Variants in AUTS2 observed in about 807,000 individuals in gnomAD.
The protein encoded by AUTS2 is autism susceptibility gene 2 protein.
In AUTS2, 17 loss-of-function variants were observed where a neutral mutation model predicts 112.4. That is an observed-to-expected ratio of 0.15 (90% CI 0.10 to 0.23). The LOEUF is 0.23. Ranked by LOEUF, AUTS2 falls within the 10% of genes least tolerant of loss-of-function variation. The probability of loss-of-function intolerance (pLI) is 1.00; values close to 1 mark genes in which losing one functional copy is unlikely to be tolerated. For synonymous variants in AUTS2, 751 were observed against 702.7 expected (o/e 1.07, Z -1.09); for missense variants, 1,510 against 1,701.6 (o/e 0.89, Z 1.98).
At position 70,790,500 on chromosome 7, in the gene AUTS2, T is replaced by G. The variant is rs930577652; in HGVS notation, c.3284T>G (p.Leu1095Arg). 2 of 1,612,320 alleles carry G rather than the reference T, an allele frequency of 1.2e-6. No homozygotes were observed. The highest frequency in any genetic ancestry group is 1.7e-6 in the Non-Finnish European group (2 of 1,179,504). Residue 1095 changes from leucine (L) to arginine (R), a missense_variant, in exon 19 of 19, where the codon CTG becomes CGG. Transcript: ENST00000342771. The surrounding 1 kb of genome is among the most constrained non-coding windows in gnomAD (Gnocchi z 7.6). The part of the protein sequence containing the change: ...HRRDPLGRDF[L>R]LRNDPLHRLS... Reference sequence around the variant, plus strand: ...AGAGACCCGCTGGGCAGGGACTTCCTGCTAAGGAACGACCCGCTCCACCGG... The same window carrying G: ...AGAGACCCGCTGGGCAGGGACTTCCGGCTAAGGAACGACCCGCTCCACCGG...
At chr7:70,269,757 C>T (rs1787597859) in intron 4 of AUTS2, among the ~76,000 whole-genome samples, 1 of 152,228 alleles carries the variant, frequency 6.6e-6, no homozygotes, top group African/African-American at 2.4e-5. Context: ...TCACCTCTCT[C>T]ATAGCCCATA....
chr7:70,306,795 G>A (rs1789513879), intron 4 of AUTS2, among the ~76,000 whole-genome samples: 1 of 152,154 alleles, frequency 6.6e-6, no homozygotes, highest in Admixed American at 6.5e-5. Context: ...AATCGCTGGA[G>A]GTTTGATTAG....
At chr7:69,692,711 A>G (rs1477453812) in intron 1 of AUTS2, among the ~76,000 whole-genome samples, 1 of 152,150 alleles carries the variant, frequency 6.6e-6, no homozygotes, top group African/African-American at 2.4e-5. Flanking sequence ...TGTGTTTAGG[A>G]TGGGGCTTGG....
intron 5 of AUTS2, among the ~76,000 whole-genome samples, chr7:70,581,090 T>A (rs1164802914): frequency 2.0e-5 from 3 of 152,108 alleles, no homozygotes; most frequent in East Asian, 1.9e-4. Flanking sequence ...TCAAAAAAAA[T>A]TTTAAAATAA....
At position 70,184,405 on chromosome 7, in the gene AUTS2, T is replaced by G. The variant is rs543279488; in HGVS notation, c.660+49834T>G. Among the ~76,000 whole-genome samples the G allele has an allele frequency of 5.7e-4, 87 of 152,286 alleles. 1 individual carries two copies. In the South Asian group the frequency reaches 6.8e-3, roughly 12 times the overall value. ...TCTGACCCTCCACCTTCTCTGGAAA[T>G]GGGGTGCCACATCTTTTGCCTTCTG... On this transcript the variant is annotated intron_variant, in intron 4 of 18. Transcript: ENST00000342771.
chr7:70,092,842 A>G (rs1472791935), intron 2 of AUTS2, among the ~76,000 whole-genome samples: 1 of 152,090 alleles, frequency 6.6e-6, no homozygotes, highest in Non-Finnish European at 1.5e-5. Context: ...AGCTAGGAGC[A>G]CCACTCGCGG....
intron 2 of AUTS2, among the ~76,000 whole-genome samples, chr7:70,103,769 G>A (rs1804621677): frequency 6.6e-6 from 1 of 151,802 alleles, no homozygotes. Context: ...AATTAGCCGG[G>A]CATGGTGGCG....
intron 2 of AUTS2, among the ~76,000 whole-genome samples, chr7:70,041,748 G>T (rs1319724427): frequency 6.6e-6 from 1 of 152,118 alleles, no homozygotes; most frequent in African/African-American, 2.4e-5. Context: ...TCTATAATCA[G>T]AAATAGCTTG....
At chr7:70,151,158 T>G (rs1166778916) in intron 4 of AUTS2, among the ~76,000 whole-genome samples, 1 of 152,010 alleles carries the variant, frequency 6.6e-6, no homozygotes, top group Non-Finnish European at 1.5e-5. Context: ...GACAGAGTAT[T>G]AGGGGGGAGG....
In AUTS2 at chr7:70,396,241, C is replaced by CA. The variant is rs35427707; in HGVS notation, c.661-39504dup. Among the ~76,000 whole-genome samples the CA allele has an allele frequency of 6.0e-3, 907 of 152,164 alleles. 9 individuals are homozygous for CA. Among genetic ancestry groups the CA allele is most frequent in the Non-Finnish European group, 6.9e-3 (468 of 67,988 alleles). ...ATTCACCCAGCCCCTGCCACATATA[C>CA]AAAAAAACAACTGCTAAGCTACCTG... is the stretch of plus-strand genomic sequence containing the variant. On this transcript the variant is annotated intron_variant, in intron 4 of 18. Transcript: ENST00000342771.
chr7:69,663,914 T>C (rs1452158828), intron 1 of AUTS2, among the ~76,000 whole-genome samples: 1 of 152,206 alleles, frequency 6.6e-6, no homozygotes, highest in Non-Finnish European at 1.5e-5. Flanking sequence ...CCAAAATGAA[T>C]CAAACAAATT....
chr7:70,781,366 A>G (rs1009067601), intron 14 of AUTS2: 1 of 206,950 alleles, frequency 4.8e-6, no homozygotes, highest in Non-Finnish European at 9.3e-6. Context: ...CTCCGTCACA[A>G]AAAAAAAAAA....
intron 5 of AUTS2, among the ~76,000 whole-genome samples, chr7:70,532,476 G>T (rs769538065): frequency 1.3e-5 from 2 of 152,132 alleles, no homozygotes; most frequent in Non-Finnish European, 2.9e-5. Context: ...GTTCAACCAA[G>T]GCCTACCCAG....
intron 4 of AUTS2, among the ~76,000 whole-genome samples, chr7:70,188,891 C>A (rs1193627264): frequency 1.3e-5 from 2 of 151,200 alleles, no homozygotes; most frequent in Non-Finnish European, 2.9e-5. Context: ...CCGGCTGCAT[C>A]TTTTTTTCTT....
intron 1 of AUTS2, among the ~76,000 whole-genome samples, chr7:69,764,520 A>G (rs1023258250): frequency 6.6e-6 from 1 of 152,010 alleles, no homozygotes; most frequent in African/African-American, 2.4e-5. Flanking sequence ...TGGGATAAGG[A>G]CATTTTAGCT....
At chr7:69,643,080 A>G (rs1337607465) in intron 1 of AUTS2, among the ~76,000 whole-genome samples, 3 of 152,120 alleles carry the variant, frequency 2.0e-5, no homozygotes, top group Non-Finnish European at 4.4e-5. Context: ...TTGCAGCTGG[A>G]GGACTAGAGG....
rs376202794 is a variant in AUTS2, at chr7:70,213,647, G to A, written c.660+79076G>A. Among the ~76,000 whole-genome samples, 22 of 152,226 alleles carry A rather than the reference G, an allele frequency of 1.4e-4. No individual in the cohort carries two copies. In the East Asian group the frequency reaches 4.2e-3, roughly 29 times the overall value. On this transcript the variant is annotated intron_variant, in intron 4 of 18. Transcript: ENST00000342771. ...GGAAATTCTTTGTTGCCTAAATTAG[G>A]GATAGGTATCATACACTGGAATGAG...
At chr7:70,175,822 A>G (rs1808956398) in intron 4 of AUTS2, among the ~76,000 whole-genome samples, 2 of 152,340 alleles carry the variant, frequency 1.3e-5, no homozygotes, top group East Asian at 3.9e-4. Flanking sequence ...ATAGCCTAAT[A>G]TGTCTATTAG....
chr7:70,497,222 G>A (rs1434255541), intron 5 of AUTS2, among the ~76,000 whole-genome samples: 2 of 115,706 alleles, frequency 1.7e-5, no homozygotes, highest in Admixed American at 1.0e-4. Context: ...CATCAGCGTC[G>A]ATCACACACC....
Sources: gnomAD v4.1 joint callset for allele counts (sites outside exome capture counted in the v4.1 genomes callset) on GRCh38, gnomAD v4.1.1 for gene constraint, Gnocchi (gnomAD v3.1) non-coding constraint, MANE v1.5 for transcripts, NCBI Gene and HGNC (gene_info 2026-07-23, HGNC 2026-07-21) for gene names.